Variants in GDAP2 observed in about 807,000 individuals in gnomAD.
GDAP2 encodes ganglioside induced differentiation associated protein 2, also known as ganglioside-induced differentiation-associated protein 2.
In GDAP2, 51 loss-of-function variants were observed where a neutral mutation model predicts 67.0. The observed-to-expected ratio is 0.76, with a 90% CI of 0.61 to 0.96. The LOEUF is 0.96. Among genes scored for constraint, GDAP2 ranks in the 40% least tolerant of loss-of-function variants. GDAP2 has a pLI of 0.00. For missense variants in GDAP2, 547 were observed against 588.3 expected (o/e 0.93, Z 0.73); for synonymous variants, 203 against 207.3 (o/e 0.98, Z 0.18).
chr1:117,882,514 T>C (rs1456693749), intron 11 of GDAP2, among the ~76,000 whole-genome samples: 2 of 152,162 alleles, frequency 1.3e-5, no homozygotes, highest in Non-Finnish European at 2.9e-5. Flanking sequence ...CTGGCCTCTC[T>C]ACGTGTGCCT....
rs1407009375 is a variant in GDAP2, at chr1:117,878,081, G to A, written c.1374C>T (p.Leu458=). ...GTGATATGGCAGAAAACAGCTGGTG[G>A]AGGCTGTCCACATGGTGGATTTTGT... The part of the protein sequence containing the change: ...LKDKIHHVDS[L]HQLFSAISPE... The change falls in exon 13 of 14, where the codon CTC becomes CTT. Residue 458 remains leucine (L), a synonymous_variant. Transcript: ENST00000369443. The A allele has an allele frequency of 1.2e-6, 2 of 1,612,220 alleles. No individual in the cohort carries two copies. The highest frequency in any genetic ancestry group is 2.7e-5 in the African/African-American group (2 of 74,878).
intron 10 of GDAP2, among the ~76,000 whole-genome samples, chr1:117,884,868 G>A (rs1357380064): frequency 1.4e-5 from 2 of 147,456 alleles, no homozygotes; most frequent in East Asian, 2.0e-4. Flanking sequence ...AGACAGGGTC[G>A]CTCTCTGTCA....
At chr1:117,893,850 G>T (rs1649168350) in intron 8 of GDAP2, among the ~76,000 whole-genome samples, 1 of 152,050 alleles carries the variant, frequency 6.6e-6, no homozygotes, top group African/African-American at 2.4e-5. Flanking sequence ...TTTTGTTTGT[G>T]TCATTTATAT....
chr1:117,874,884 G>C (rs541175749), intron 13 of GDAP2, among the ~76,000 whole-genome samples: 64 of 152,276 alleles, frequency 4.2e-4, no homozygotes, highest in Non-Finnish European at 7.9e-4. Context: ...CCATCCCCTA[G>C]GGTTTTATGG....
chr1:117,918,186 C>T, intron 3 of GDAP2, among the ~76,000 whole-genome samples: 1 of 152,148 alleles, frequency 6.6e-6, no homozygotes, highest in East Asian at 1.9e-4. Flanking sequence ...TTGAATTTCA[C>T]AGTATTTCAT....
In GDAP2 at chr1:117,899,188, T is replaced by A. The variant is rs1649360973; in HGVS notation, c.665A>T (p.Tyr222Phe). The stretch of plus-strand genomic sequence containing the variant: ...CTCCTCTTTTAATGACCTTGGGAAG[T>A]AGAGAGGTAGCAGCTTTTGGTAAGT... ...EGTYQKLLPLYFPRSLKEENR... is the reference protein window; with the variant it reads ...EGTYQKLLPLFFPRSLKEENR... The change falls in exon 7 of 14, where the codon TAC becomes TTC. Residue 222 changes from tyrosine (Y) to phenylalanine (F), a missense_variant. Physicochemically the swap from Tyr to Phe is conservative, Grantham distance 22. Transcript: ENST00000369443. 1 of 1,611,556 alleles carries A rather than the reference T, an allele frequency of 6.2e-7. No individual in the cohort carries two copies. The highest frequency in any genetic ancestry group is 8.5e-7 in the Non-Finnish European group (1 of 1,177,860).
Position 117,870,232 on chromosome 1 carries a change from T to C in GDAP2, c.*337A>G, listed in dbSNP as rs148286145. On this transcript the variant is annotated 3_prime_UTR_variant, in exon 14 of 14. Coordinates refer to ENST00000369443, the MANE Select transcript of GDAP2 (RefSeq NM_017686.4). ...GAAGCGTGCAATGTTAGAGAGATGA[T>C]GTGAACAGTCTTGGTGGTTTATCTA... is the stretch of plus-strand genomic sequence containing the variant. 152 of 316,512 alleles carry C rather than the reference T, an allele frequency of 4.8e-4. No homozygotes were observed. The East Asian group carries it at 7.1e-3, about 15-fold the overall frequency. The allele number at this position is 316,512 out of a possible 1,614,324, so 19.6% of individuals were successfully genotyped here.
intron 12 of GDAP2, among the ~76,000 whole-genome samples, chr1:117,878,977 T>G (rs1648561432): frequency 6.6e-6 from 1 of 152,210 alleles, no homozygotes; most frequent in Admixed American, 6.5e-5. Flanking sequence ...TAGCAAACTT[T>G]TTTGAAAAGG....
intron 11 of GDAP2, among the ~76,000 whole-genome samples, chr1:117,882,113 G>C (rs1226782752): frequency 6.6e-6 from 1 of 151,944 alleles, no homozygotes; most frequent in East Asian, 1.9e-4. Context: ...AGCTGCTATA[G>C]GTAGGACAAA....
At chr1:117,892,133 G>A (rs1156965229) in intron 8 of GDAP2, among the ~76,000 whole-genome samples, 6 of 152,080 alleles carry the variant, frequency 3.9e-5, no homozygotes, top group African/African-American at 1.4e-4. Flanking sequence ...ACTCATGATT[G>A]CAATCTTCAT....
chr1:117,878,467 G>A (rs1489894271), intron 12 of GDAP2, among the ~76,000 whole-genome samples: 1 of 152,156 alleles, frequency 6.6e-6, no homozygotes, highest in Non-Finnish European at 1.5e-5. Context: ...GCTTCTTACT[G>A]TGGGTTGTAG....
chr1:117,916,153 G>A (rs1449735559), intron 3 of GDAP2, among the ~76,000 whole-genome samples: 2 of 152,190 alleles, frequency 1.3e-5, no homozygotes, highest in Middle Eastern at 3.2e-3. Flanking sequence ...CAACAAGAGA[G>A]AAGTACTGCA....
Position 117,890,351 on chromosome 1 carries a change from T to C in GDAP2, c.954-2577A>G, listed in dbSNP as rs368715720. On this transcript the variant is annotated intron_variant, in intron 8 of 13. Transcript: ENST00000369443. Reference sequence around the variant, plus strand: ...TTACATTAGACCACCAGATAGACAATATGTCATATTTGTCTCTCATTTCTA... The same window carrying C: ...TTACATTAGACCACCAGATAGACAACATGTCATATTTGTCTCTCATTTCTA... 2.7e-4 allele frequency among the ~76,000 whole-genome samples: 41 copies of C among 152,246 alleles called. No homozygotes were observed. In the East Asian group the frequency reaches 3.7e-3, roughly 14 times the overall value.
intron 6 of GDAP2, 144 bp downstream of exon 6, chr1:117,906,362 A>T (rs183516701): frequency 1.3e-5 from 7 of 541,044 alleles, no homozygotes; most frequent in Admixed American, 1.2e-4. Flanking sequence ...TTTTCAATGA[A>T]TGATTGTAAG....
chr1:117,881,650 T>C (rs1413898080), intron 12 of GDAP2, among the ~76,000 whole-genome samples, 173 bp downstream of exon 12: 5 of 152,164 alleles, frequency 3.3e-5, no homozygotes, highest in Admixed American at 1.3e-4. Flanking sequence ...ACAAAGGCGC[T>C]GGAGTCACAT....
intron 6 of GDAP2, among the ~76,000 whole-genome samples, chr1:117,899,798 T>C (rs1649385738): frequency 6.6e-6 from 1 of 152,224 alleles, no homozygotes; most frequent in South Asian, 2.1e-4. Context: ...CTCTTATTTG[T>C]CCTATATCTT....
At chr1:117,883,295 A>G in intron 11 of GDAP2, 193 bp downstream of exon 11, 2 of 490,722 alleles carry the variant, frequency 4.1e-6, no homozygotes, top group Non-Finnish European at 3.6e-6. Flanking sequence ...AAGTTTACAT[A>G]TGAATTTACT....
rs1031251596 is a variant in GDAP2 at position 117,917,261 on chromosome 1, C to G, written c.316+1336G>C. ...CCTGTTACTCTTTTCAGCTTTCTAT[C>G]ATCTAGAAATTTGGAGTCATGCTTG... On this transcript the variant is annotated intron_variant, in intron 3 of 13. Transcript: ENST00000369443. Among the ~76,000 whole-genome samples, 3 of 152,070 alleles carry G rather than the reference C, an allele frequency of 2.0e-5. No individual in the cohort carries two copies. The East Asian group carries it at 5.8e-4, about 29-fold the overall frequency.
At chr1:117,898,659 G>C (rs1200908299) in intron 7 of GDAP2, among the ~76,000 whole-genome samples, 1 of 152,080 alleles carries the variant, frequency 6.6e-6, no homozygotes, top group East Asian at 1.9e-4. Context: ...ATAACCCAAA[G>C]AAACAAAATG....
Sources: allele counts gnomAD v4.1 joint callset (sites outside exome capture counted in the v4.1 genomes callset), GRCh38; gene constraint gnomAD v4.1.1; transcripts MANE v1.5; gene names NCBI Gene and HGNC (gene_info 2026-07-23, HGNC 2026-07-21).